The following SGK1 variants were observed in gnomAD, a reference collection of about 807,000 sequenced individuals.
The protein encoded by SGK1 is serum/glucocorticoid regulated kinase 1.
In SGK1, 26 loss-of-function variants were observed where a neutral mutation model predicts 64.2. That is an observed-to-expected ratio of 0.40 (90% CI 0.30 to 0.56). The LOEUF is 0.56. Among genes scored for constraint, SGK1 ranks in the 20% least tolerant of loss-of-function variants. The pLI is 0.38. For synonymous variants in SGK1, 265 were observed against 239.7 expected (o/e 1.11, Z -0.98); for missense variants, 519 against 645.6 (o/e 0.80, Z 2.12).
intron 3 of SGK1, chr6:134,175,469 G>A (rs1189682364): frequency 2.3e-6 from 3 of 1,328,904 alleles, no homozygotes; most frequent in Non-Finnish European, 2.9e-6. Context: ...GAACTCCGAC[G>A]AAAGCCGGCC....
At chr6:134,176,013 A>G in intron 3 of SGK1, 1 of 1,029,712 alleles carries the variant, frequency 9.7e-7, no homozygotes, top group South Asian at 4.5e-5. Flanking sequence ...TTTTTTCTGA[A>G]GTAATCTCTG....
chr6:134,185,803 G>A (rs1238724328), intron 3 of SGK1, among the ~76,000 whole-genome samples: 1 of 152,062 alleles, frequency 6.6e-6, no homozygotes, highest in Non-Finnish European at 1.5e-5. Context: ...CTGAGAATCC[G>A]GGGGCTGCTG....
chr6:134,249,145 A>C (rs1776569232), intron 2 of SGK1, among the ~76,000 whole-genome samples: 3 of 152,220 alleles, frequency 2.0e-5, no homozygotes, highest in Admixed American at 2.0e-4. Flanking sequence ...TAACAAGGTC[A>C]AAGTCAGAAA....
intron 3 of SGK1, chr6:134,178,032 T>C: frequency 1.8e-6 from 1 of 560,168 alleles, no homozygotes; most frequent in Non-Finnish European, 3.2e-6. Flanking sequence ...ACTTAACTGA[T>C]TATCCTCACA....
Position 134,171,744 on chromosome 6 carries a change from A to G in SGK1, c.1072-12T>C. ...TCAGGTGCGAGATACTGAAAAACAG[A>G]CCAGGGAAACAGCGTTTAGAACCTG... On this transcript the variant is annotated splice_polypyrimidine_tract_variant and intron_variant, in intron 10 of 13. Transcript: ENST00000367858. The G allele has an allele frequency of 1.3e-6, 2 of 1,581,648 alleles. No individual in the cohort carries two copies. Among genetic ancestry groups the G allele is most frequent in the Non-Finnish European group, 1.7e-6 (2 of 1,150,916 alleles).
intron 2 of SGK1, chr6:134,261,642 G>A: frequency 1.7e-6 from 1 of 580,970 alleles, no homozygotes; most frequent in Non-Finnish European, 3.0e-6. Context: ...ACTCTGCTAG[G>A]GAATGTTGAT....
intron 3 of SGK1, among the ~76,000 whole-genome samples, chr6:134,199,177 G>A (rs1409856205): frequency 1.3e-5 from 2 of 152,182 alleles, no homozygotes; most frequent in East Asian, 3.8e-4. Flanking sequence ...ATGGGAGGGT[G>A]AAGAGGAGCA....
At chr6:134,174,870 A>C in intron 3 of SGK1, 1 of 1,609,404 alleles carries the variant, frequency 6.2e-7, no homozygotes, top group East Asian at 2.2e-5. Context: ...ATGCTGCGCC[A>C]GGCCGCGCGC....
chr6:134,235,043 G>T (rs1776341556), intron 2 of SGK1, among the ~76,000 whole-genome samples: 1 of 152,126 alleles, frequency 6.6e-6, no homozygotes, highest in South Asian at 2.1e-4. Context: ...AATTGAAGAA[G>T]ACAGTCTATG....
At chr6:134,212,936 AT>A (rs1775915565) in intron 2 of SGK1, among the ~76,000 whole-genome samples, 1 of 152,144 alleles carries the variant, frequency 6.6e-6, no homozygotes, top group Non-Finnish European at 1.5e-5. Flanking sequence ...CTTGTGAATG[AT>A]TATCACTATT....
intron 1 of SGK1, among the ~76,000 whole-genome samples, chr6:134,310,242 A>G (rs764256018): frequency 6.6e-6 from 1 of 152,216 alleles, no homozygotes; most frequent in Non-Finnish European, 1.5e-5. Context: ...CAAGGAACTC[A>G]GCTACACTTT....
chr6:134,214,774 C>T (rs962442534), intron 2 of SGK1, among the ~76,000 whole-genome samples: 2 of 152,112 alleles, frequency 1.3e-5, no homozygotes, highest in African/African-American at 4.8e-5. Context: ...TGTTTAAATC[C>T]TCATGGCTTC....
chr6:134,198,726 A>ATTTTTTTTTTTTTTTTTTTTTT (rs1178699258), intron 3 of SGK1, among the ~76,000 whole-genome samples: 2 of 101,780 alleles, frequency 2.0e-5, no homozygotes, highest in Non-Finnish European at 1.9e-5. Context: ...CTCTTTTTCT[A>ATTTTTTTTTTTTTTTTTTTTTT]TTTTTTTTTT....
intron 2 of SGK1, among the ~76,000 whole-genome samples, chr6:134,233,922 AT>A (rs1776326454): frequency 6.6e-6 from 1 of 152,176 alleles, no homozygotes; most frequent in South Asian, 2.1e-4. Flanking sequence ...ACAAAAACCT[AT>A]TTTAGTTGTA....
intron 2 of SGK1, among the ~76,000 whole-genome samples, chr6:134,258,060 A>G (rs1030909050): frequency 2.0e-5 from 3 of 151,882 alleles, no homozygotes; most frequent in African/African-American, 7.3e-5. Context: ...TCAATGATTT[A>G]TTTCATCATT....
chr6:134,172,882 C>T, intron 8 of SGK1, 108 bp from the exon 9 acceptor site: 1 of 1,231,438 alleles, frequency 8.1e-7, no homozygotes, highest in Admixed American at 1.8e-5. Context: ...AATCTATTAA[C>T]TATAAACCTG....
At chr6:134,290,448 A>C (rs893355162) in intron 1 of SGK1, among the ~76,000 whole-genome samples, 21 of 152,030 alleles carry the variant, frequency 1.4e-4, no homozygotes, top group Admixed American at 3.9e-4. Flanking sequence ...AAACAAAGAC[A>C]AATGACAGCA....
chr6:134,291,818 T>G (rs1777269483), intron 1 of SGK1, among the ~76,000 whole-genome samples: 2 of 152,166 alleles, frequency 1.3e-5, no homozygotes, highest in Non-Finnish European at 2.9e-5. Context: ...CCAACAACTT[T>G]GGGAGGCCAA....
rs1009489066 is a variant in SGK1 at position 134,317,948 on chromosome 6, A to T, written c.-488T>A. The T allele has an allele frequency of 2.6e-5, 4 of 154,548 alleles. No individual in the cohort carries two copies. The highest frequency in any genetic ancestry group is 9.6e-5 in the African/African-American group (4 of 41,454). 9.6% of individuals were successfully genotyped at this position (154,548 alleles called of 1,614,324 possible). ...AGTGGGAGCTGTAGTTAAGCAGCTGAGAGAAGGAGTAAGAAAGAGCAGAAG... is the reference window on the plus strand; with the variant it reads ...AGTGGGAGCTGTAGTTAAGCAGCTGTGAGAAGGAGTAAGAAAGAGCAGAAG... On this transcript the variant is annotated 5_prime_UTR_variant, in exon 1 of 14. Transcript: ENST00000367858.
Sources: allele counts gnomAD v4.1 joint callset (sites outside exome capture counted in the v4.1 genomes callset), GRCh38; gene constraint gnomAD v4.1.1; transcripts MANE v1.5; gene names NCBI Gene and HGNC (gene_info 2026-07-23, HGNC 2026-07-21).